Variants in HEMK2 observed in about 807,000 individuals in gnomAD.
HEMK2 encodes the protein methyltransferase HEMK2.
At chr21:28,835,972 T>C in the HEMK2 span, among the ~76,000 whole-genome samples, 2 of 152,032 alleles carry the variant, frequency 1.3e-5, no homozygotes, top group Non-Finnish European at 2.9e-5. Flanking sequence ...GAACAAAGCC[T>C]CCAAGAAGTC....
At chr21:28,884,147 A>G in the HEMK2 span, among the ~76,000 whole-genome samples, 2 of 152,256 alleles carry the variant, frequency 1.3e-5, no homozygotes, top group Non-Finnish European at 2.9e-5. Flanking sequence ...ATTCCAAACT[A>G]GAAATAACCC....
the HEMK2 span, among the ~76,000 whole-genome samples, chr21:28,630,790 G>C: frequency 1.0e-5 from 1 of 99,832 alleles, no homozygotes; most frequent in African/African-American, 3.9e-5. Flanking sequence ...GGGGTGGGGG[G>C]AGGGGGGAGG....
the HEMK2 span, chr21:28,878,326 C>G: frequency 6.2e-7 from 1 of 1,613,004 alleles, no homozygotes; most frequent in Non-Finnish European, 8.5e-7. Context: ...TATTCCGTGA[C>G]TTCCTACCTG....
the HEMK2 span, among the ~76,000 whole-genome samples, chr21:28,651,026 G>A: frequency 6.6e-6 from 1 of 152,176 alleles, no homozygotes; most frequent in Admixed American, 6.5e-5. Context: ...ATTGTCAAGA[G>A]GAGAGGAGAC....
the HEMK2 span, chr21:28,882,285 G>T: frequency 6.6e-7 from 1 of 1,509,276 alleles, no homozygotes; most frequent in South Asian, 1.1e-5. Context: ...TATATCCTAT[G>T]TCCATAAGGC....
chr21:28,722,906 A>G, the HEMK2 span, among the ~76,000 whole-genome samples: 1 of 142,580 alleles, frequency 7.0e-6, no homozygotes, highest in African/African-American at 2.6e-5. Context: ...CAAACAAACA[A>G]ACAAAAAGCA....
chr21:28,797,842 T>C, the HEMK2 span, among the ~76,000 whole-genome samples: 1 of 152,176 alleles, frequency 6.6e-6, no homozygotes, highest in Non-Finnish European at 1.5e-5. Flanking sequence ...TAAGGGGTTC[T>C]GTGACATGTG....
the HEMK2 span, among the ~76,000 whole-genome samples, chr21:28,708,937 G>A: frequency 1.3e-5 from 2 of 152,228 alleles, no homozygotes; most frequent in African/African-American, 4.8e-5. Context: ...CAAAGACAGA[G>A]TGGCTTATAA....
the HEMK2 span, among the ~76,000 whole-genome samples, chr21:28,616,276 G>A: frequency 3.8e-3 from 574 of 152,212 alleles, 3 homozygotes; most frequent in African/African-American, 0.013. Flanking sequence ...GAGGTTCTTC[G>A]CTAATCACAT....
chr21:28,826,923 T>C, the HEMK2 span, among the ~76,000 whole-genome samples: 1 of 152,162 alleles, frequency 6.6e-6, no homozygotes, highest in South Asian at 2.1e-4. Flanking sequence ...ATGAGCCATG[T>C]CATCCAGTAA....
chr21:28,613,178 G>A, the HEMK2 span, among the ~76,000 whole-genome samples: 1 of 151,978 alleles, frequency 6.6e-6, no homozygotes, highest in Non-Finnish European at 1.5e-5. Context: ...CAAAATGAGT[G>A]CAAGCTATGT....
chr21:28,600,487 G>C, the HEMK2 span, among the ~76,000 whole-genome samples: 22 of 152,292 alleles, frequency 1.4e-4, no homozygotes, highest in Admixed American at 5.9e-4. Context: ...CCCTGGGCCC[G>C]GCCCATGAAA....
chr21:28,751,013 A>C, the HEMK2 span, among the ~76,000 whole-genome samples: 1 of 151,678 alleles, frequency 6.6e-6, no homozygotes, highest in Non-Finnish European at 1.5e-5. Flanking sequence ...GGCGGATCAC[A>C]AGGTCCAGGA....
chr21:28,857,697 GT>G, the HEMK2 span, among the ~76,000 whole-genome samples: 1 of 152,008 alleles, frequency 6.6e-6, no homozygotes. Flanking sequence ...CATTTGTTAT[GT>G]AAAATTAATT....
At chr21:28,673,491 C>T in the HEMK2 span, among the ~76,000 whole-genome samples, 7 of 141,458 alleles carry the variant, frequency 4.9e-5, no homozygotes, top group African/African-American at 1.9e-4. Context: ...CACATATAAC[C>T]CACATATATG....
chr21:28,820,408 G>A, the HEMK2 span, among the ~76,000 whole-genome samples: 3 of 152,110 alleles, frequency 2.0e-5, no homozygotes, highest in Admixed American at 2.0e-4. Flanking sequence ...CAAGAAGGAA[G>A]ACTAAAGTCT....
chr21:28,797,433 C>CAAAAAAACAAAA, the HEMK2 span, among the ~76,000 whole-genome samples: 1 of 127,440 alleles, frequency 7.8e-6, no homozygotes. Flanking sequence ...CTGTCTCTAC[C>CAAAAAAACAAAA]AAAAAAAACA....
the HEMK2 span, among the ~76,000 whole-genome samples, chr21:28,608,856 C>G: frequency 2.6e-5 from 4 of 152,060 alleles, no homozygotes; most frequent in African/African-American, 9.7e-5. Context: ...AAACATAATT[C>G]CATTGGCCTG....
the HEMK2 span, among the ~76,000 whole-genome samples, chr21:28,827,982 C>T: frequency 1.9e-4 from 29 of 152,102 alleles, no homozygotes; most frequent in Non-Finnish European, 3.7e-4. Context: ...TGTGCATATA[C>T]TTATATTCTT....
Sources: allele counts gnomAD v4.1 joint callset (sites outside exome capture counted in the v4.1 genomes callset), GRCh38; gene constraint gnomAD v4.1.1; transcripts MANE v1.5; gene names NCBI Gene and HGNC (gene_info 2026-07-23, HGNC 2026-07-21).